MYO3A: variants seen among roughly 807,000 people sequenced by gnomAD.
The protein encoded by MYO3A is myosin IIIA, also known as myosin-IIIa.
Under a neutral mutation model 192.7 loss-of-function variants are expected in MYO3A, and 180 were observed. That is an observed-to-expected ratio of 0.93 (90% CI 0.83 to 1.06). The LOEUF is 1.06. Among genes scored for constraint, MYO3A ranks in the 50% least tolerant of loss-of-function variants. The pLI is 0.00. For synonymous variants in MYO3A, 628 were observed against 645.3 expected (o/e 0.97, Z 0.41); for missense variants, 1,896 against 1,905.0 (o/e 1.00, Z 0.09).
intron 18 of MYO3A, among the ~76,000 whole-genome samples, chr10:26,121,882 G>A (rs1212664651): frequency 6.6e-6 from 1 of 152,166 alleles, no homozygotes; most frequent in East Asian, 1.9e-4. Flanking sequence ...ATCCTGGTCT[G>A]GACCTGTCCC....
chr10:26,051,486 T>C (rs1217186474), intron 10 of MYO3A, among the ~76,000 whole-genome samples: 1 of 150,164 alleles, frequency 6.7e-6, no homozygotes, highest in Admixed American at 6.7e-5. Context: ...TATGGTTTAG[T>C]TTTTTAAAAT....
chr10:26,095,162 C>T (rs1294121966), intron 15 of MYO3A, among the ~76,000 whole-genome samples: 2 of 152,134 alleles, frequency 1.3e-5, no homozygotes, highest in African/African-American at 4.8e-5. Context: ...TTTAGTGTCT[C>T]CTGCCCCAAC....
chr10:26,113,187 T>TA (rs1431773008), intron 17 of MYO3A, among the ~76,000 whole-genome samples: 1 of 152,200 alleles, frequency 6.6e-6, no homozygotes, highest in African/African-American at 2.4e-5. Context: ...AAATTGGTTT[T>TA]AGGCCAGGCT....
At chr10:26,004,136 A>G (rs1841026170) in intron 6 of MYO3A, among the ~76,000 whole-genome samples, 1 of 152,158 alleles carries the variant, frequency 6.6e-6, no homozygotes, top group Non-Finnish European at 1.5e-5. Flanking sequence ...GGGGTAAGGA[A>G]GGTATCTGCT....
At chr10:26,003,562 G>T (rs966203684) in intron 6 of MYO3A, among the ~76,000 whole-genome samples, 3 of 152,002 alleles carry the variant, frequency 2.0e-5, no homozygotes, top group Non-Finnish European at 1.5e-5. Context: ...GACAAGTGAG[G>T]TTATAAATAT....
intron 15 of MYO3A, 120 bp downstream of exon 15, chr10:26,088,525 C>T: frequency 1.1e-6 from 1 of 929,608 alleles, no homozygotes. Context: ...ATGCAAAGCA[C>T]TTACTATTGA....
chr10:25,982,070 C>T (rs1839368062), intron 4 of MYO3A, among the ~76,000 whole-genome samples: 1 of 152,046 alleles, frequency 6.6e-6, no homozygotes, highest in East Asian at 1.9e-4. Context: ...GTGAGACTGG[C>T]CTTTAGGACT....
At chr10:25,991,602 G>T (rs1196182057) in intron 4 of MYO3A, among the ~76,000 whole-genome samples, 1 of 152,166 alleles carries the variant, frequency 6.6e-6, no homozygotes, top group Non-Finnish European at 1.5e-5. Flanking sequence ...CCTATGTCCT[G>T]AATGGTAATG....
At chr10:26,046,942 G>C (rs1843664790) in intron 10 of MYO3A, among the ~76,000 whole-genome samples, 2 of 152,060 alleles carry the variant, frequency 1.3e-5, no homozygotes, top group South Asian at 4.2e-4. Context: ...AATTTTATCA[G>C]CTATTCAGAT....
chr10:26,168,680 A>G (rs1323031906), intron 27 of MYO3A, 32 bp from the exon 28 acceptor site: 6 of 1,597,550 alleles, frequency 3.8e-6, no homozygotes, highest in Non-Finnish European at 5.1e-6. Flanking sequence ...TCTGTGTGCC[A>G]TGGTTCTTTG....
rs189595832 is a variant in MYO3A at position 25,997,176 on chromosome 10, T to G, written c.426T>G (p.His142Gln). ...HEALMGLQHL[H>Q]NNKTIHRDVK... ...TCTTCTAGGGACTTCAACATTTGCATAACAACAAAACTATCCACAGAGATG... is the reference window on the plus strand; with the variant it reads ...TCTTCTAGGGACTTCAACATTTGCAGAACAACAAAACTATCCACAGAGATG... Residue 142 changes from histidine (H) to glutamine (Q), a missense_variant, in exon 6 of 35, where the codon CAT becomes CAG. By Grantham distance (24) the His-to-Gln change is conservative. Coordinates refer to ENST00000642920, the MANE Select transcript of MYO3A (RefSeq NM_017433.5). 1.0e-4 allele frequency: 167 copies of G among 1,613,226 alleles called. 1 individual carries two copies. The East Asian group carries it at 3.6e-3, about 35-fold the overall frequency.
intron 34 of MYO3A, among the ~76,000 whole-genome samples, 194 bp downstream of exon 34, chr10:26,203,301 T>G (rs2132215698): frequency 6.6e-6 from 1 of 152,318 alleles, no homozygotes; most frequent in Admixed American, 6.5e-5. Flanking sequence ...TCAGTTTTCC[T>G]AGCAAAAACT....
intron 34 of MYO3A, among the ~76,000 whole-genome samples, chr10:26,207,336 C>G (rs1029749074): frequency 6.6e-6 from 1 of 152,028 alleles, no homozygotes; most frequent in Admixed American, 6.6e-5. Context: ...CTTTTCTTTT[C>G]TCTTTTTAGG....
At chr10:25,996,394 T>G (rs1276286989) in intron 4 of MYO3A, 96 bp from the exon 5 acceptor site, 2 of 946,134 alleles carry the variant, frequency 2.1e-6, no homozygotes, top group African/African-American at 3.3e-5. Context: ...AAAGAGAACA[T>G]TGGAACACTT....
chr10:26,199,091 C>T (rs1275279518), intron 32 of MYO3A, among the ~76,000 whole-genome samples: 1 of 152,150 alleles, frequency 6.6e-6, no homozygotes, highest in African/African-American at 2.4e-5. Flanking sequence ...TGTTAGGAAA[C>T]TAAGAGACAA....
At chr10:26,129,091 A>G (rs971637361) in intron 20 of MYO3A, among the ~76,000 whole-genome samples, 1 of 152,228 alleles carries the variant, frequency 6.6e-6, no homozygotes, top group African/African-American at 2.4e-5. Flanking sequence ...GTACTGTAAT[A>G]CTAAGAATAC....
At chr10:26,066,341 A>G (rs915408412) in intron 10 of MYO3A, among the ~76,000 whole-genome samples, 3 of 152,298 alleles carry the variant, frequency 2.0e-5, no homozygotes, top group Non-Finnish European at 4.4e-5. Context: ...CAGAAATACA[A>G]TCATCCCCAA....
chr10:25,997,231 G>T lies in MYO3A; in HGVS notation c.481G>T (p.Glu161Ter). ...VKGNNILLTT[E>*]GGVKLVDFGV... The stretch of plus-strand genomic sequence containing the variant: ...AGGCAATAACATTCTATTGACCACG[G>T]AAGGTGGAGTGAAACTAGTAGATTT... Residue 161 changes from glutamate (E) to a stop codon, truncating the protein, a stop_gained, in exon 6 of 35, where the codon GAA becomes TAA. Transcript: ENST00000642920. LOFTEE classifies it high-confidence loss of function. 6.2e-7 allele frequency: 1 copy of T among 1,613,254 alleles called. No homozygotes were observed. The highest frequency in any genetic ancestry group is 8.5e-7 in the Non-Finnish European group (1 of 1,179,366).
intron 20 of MYO3A, 116 bp from the exon 21 acceptor site, chr10:26,143,332 A>T: frequency 8.8e-7 from 1 of 1,141,748 alleles, no homozygotes; most frequent in East Asian, 2.6e-5. Context: ...CTCCGTCACA[A>T]AAAAAGCAAG....
Sources: gnomAD v4.1 joint callset for allele counts (sites outside exome capture counted in the v4.1 genomes callset) on GRCh38, gnomAD v4.1.1 for gene constraint, MANE v1.5 for transcripts, NCBI Gene and HGNC (gene_info 2026-07-23, HGNC 2026-07-21) for gene names.